Variants in TFB2M observed in about 807,000 individuals in gnomAD.
The protein encoded by TFB2M is transcription factor B2, mitochondrial.
A neutral mutation model predicts 41.3 loss-of-function variants in TFB2M; 44 were observed. The observed-to-expected ratio is 1.07, with a 90% CI of 0.84 to 1.37. The LOEUF (loss-of-function observed/expected upper bound fraction) is 1.37, where lower values mean the gene tolerates loss of function less well. TFB2M is among the 40% of genes most tolerant of loss of function. The pLI, the probability that TFB2M is intolerant of heterozygous loss-of-function variation, is 0.00. For missense variants in TFB2M, 496 were observed against 490.2 expected, an observed-to-expected ratio of 1.01 and a Z score of -0.11; for synonymous variants, 188 against 176.8, an observed-to-expected ratio of 1.06 and a Z score of -0.50.
intron 6 of TFB2M, among the ~76,000 whole-genome samples, chr1:246,546,012 T>C (rs925048921): frequency 7.3e-5 from 11 of 151,500 alleles, no homozygotes; most frequent in African/African-American, 2.7e-4. Flanking sequence ...AACATGTAAG[T>C]AGGGTAAAAT....
chr1:246,549,503 G>A (rs1280078685), intron 5 of TFB2M, among the ~76,000 whole-genome samples: 3 of 152,246 alleles, frequency 2.0e-5, no homozygotes, highest in African/African-American at 7.2e-5. Context: ...GATTGCTTAA[G>A]CCTGGGAGGC....
intron 4 of TFB2M, 38 bp downstream of exon 4, chr1:246,556,535 G>C (rs571677424): frequency 1.4e-6 from 2 of 1,397,750 alleles, no homozygotes; most frequent in East Asian, 5.0e-5. Flanking sequence ...AAAAATTACA[G>C]ACTCAGAACA....
chr1:246,551,315 A>C lies in TFB2M; in HGVS notation c.706-13T>G. 6.3e-7 allele frequency: 1 copy of C among 1,580,098 alleles called. No individual in the cohort carries two copies. Among genetic ancestry groups the C allele is most frequent in the Non-Finnish European group, 8.7e-7 (1 of 1,149,162 alleles). On this transcript the variant is annotated splice_polypyrimidine_tract_variant and intron_variant, in intron 4 of 7. Transcript: ENST00000366514. ...CTGCCATTAGTTTCTAGTAAAAGGA[A>C]AATAAAAATTACATGTTATACACAT...
rs1262644105 is a variant in TFB2M, at chr1:246,540,978, T to C, written c.*53A>G. 2.6e-6 allele frequency: 4 copies of C among 1,552,976 alleles called. No homozygotes were observed. The highest frequency in any genetic ancestry group is 2.8e-5 in the African/African-American group (2 of 72,548). Reference sequence around the variant, plus strand: ...TGTGAGTTTTCAAATTTGGTTTTCATGTCATAGTTTCCAAATAAATGAACC... The same window carrying C: ...TGTGAGTTTTCAAATTTGGTTTTCACGTCATAGTTTCCAAATAAATGAACC... On this transcript the variant is annotated 3_prime_UTR_variant, in exon 8 of 8. Transcript: ENST00000366514.
At chr1:246,554,262 G>C (rs1029018428) in intron 4 of TFB2M, among the ~76,000 whole-genome samples, 1 of 152,162 alleles carries the variant, frequency 6.6e-6, no homozygotes, top group Non-Finnish European at 1.5e-5. Flanking sequence ...ACTGGATTTG[G>C]CAATGATCTA....
At chr1:246,549,662 A>C (rs2102985856) in intron 5 of TFB2M, among the ~76,000 whole-genome samples, 1 of 152,294 alleles carries the variant, frequency 6.6e-6, no homozygotes, top group South Asian at 2.1e-4. Context: ...TAAATTCCAA[A>C]ATAAGAGTGG....
In TFB2M at chr1:246,566,204, G is replaced by T; in HGVS notation, c.-66C>A. On this transcript the variant is annotated 5_prime_UTR_variant, in exon 1 of 8. Transcript: ENST00000366514. ...AGCTACTACAGTGAACCCCACGCAG[G>T]GTATCCCACGTGGAACATTTTCTGG... 1 of 1,504,906 alleles carries T rather than the reference G, an allele frequency of 6.6e-7. No individual in the cohort carries two copies. Among genetic ancestry groups the T allele is most frequent in the Non-Finnish European group, 9.0e-7 (1 of 1,112,470 alleles). The allele number at this position is 1,504,906 out of a possible 1,614,324, so 93.2% of individuals were successfully genotyped here.
rs1436876583 is a variant in TFB2M at position 246,566,230 on chromosome 1, C to G, written c.-92G>C. The G allele has an allele frequency of 3.3e-5, 45 of 1,350,362 alleles. No homozygotes were observed. Among genetic ancestry groups the G allele is most frequent in the South Asian group, 1.7e-4 (12 of 71,152 alleles). The allele number at this position is 1,350,362 out of a possible 1,614,324, so 83.6% of individuals were successfully genotyped here. On this transcript the variant is annotated 5_prime_UTR_variant, in exon 1 of 8. Transcript: ENST00000366514. ...GTATCCCACGTGGAACATTTTCTGG[C>G]GTCCGGGCCAGGTCAAGCGGAAGTA... is the stretch of plus-strand genomic sequence containing the variant.
intron 1 of TFB2M, among the ~76,000 whole-genome samples, chr1:246,565,339 A>G (rs1159251036): frequency 2.0e-5 from 3 of 152,218 alleles, no homozygotes; most frequent in African/African-American, 7.2e-5. Context: ...GCTGCTACAG[A>G]AATACTTTGT....
At chr1:246,554,785 G>C (rs1292441670) in intron 4 of TFB2M, among the ~76,000 whole-genome samples, 5 of 152,180 alleles carry the variant, frequency 3.3e-5, no homozygotes, top group Middle Eastern at 3.2e-3. Context: ...TGGTGCCAAA[G>C]ATGTTGGGGA....
At position 246,540,649 on chromosome 1, in the gene TFB2M, CAACA is replaced by C. The variant is rs1173328530; in HGVS notation, c.*378_*381del. 6.0e-6 allele frequency: 1 copy of C among 165,650 alleles called. No individual in the cohort carries two copies. The highest frequency in any genetic ancestry group is 1.3e-5 in the Non-Finnish European group (1 of 76,782). The allele number at this position is 165,650 out of a possible 1,614,324, so 10.3% of individuals were successfully genotyped here. ...TTGTACAGTACTTGACAATACATTT[CAACA>C]AACTGAAAGGCAAACCAGTAAATCA... On this transcript the variant is annotated 3_prime_UTR_variant, in exon 8 of 8. Coordinates refer to ENST00000366514, the MANE Select transcript of TFB2M (RefSeq NM_022366.3).
At chr1:246,546,291 G>A (rs1659016806) in intron 6 of TFB2M, among the ~76,000 whole-genome samples, 1 of 118,778 alleles carries the variant, frequency 8.4e-6, no homozygotes, top group African/African-American at 2.8e-5. Context: ...CAGCCTGGGA[G>A]AAGAGTGAGA....
chr1:246,551,895 G>A (rs560121704), intron 4 of TFB2M, among the ~76,000 whole-genome samples: 2 of 152,148 alleles, frequency 1.3e-5, no homozygotes, highest in African/African-American at 2.4e-5. Flanking sequence ...GTTGAATAGC[G>A]TATGCACAGC....
At position 246,566,156 on chromosome 1, in the gene TFB2M, C is replaced by G; in HGVS notation, c.-18G>C. On this transcript the variant is annotated 5_prime_UTR_variant, in exon 1 of 8. Transcript: ENST00000366514. ...ATCCACATGTCCTTGTCTCTCAGGC[C>G]CGCTCCAAGAATCACCTAGTGCAGC... 6.3e-7 allele frequency: 1 copy of G among 1,595,384 alleles called. No individual in the cohort carries two copies. Among genetic ancestry groups the G allele is most frequent in the Non-Finnish European group, 8.6e-7 (1 of 1,167,066 alleles).
rs187809808 is a variant in TFB2M at position 246,559,838 on chromosome 1, G to T, written c.403-2304C>A. ...TACACTAGGGAGAAACAGAGGACTA[G>T]CCCTGAAGGTAGAGTATGTCCAAAG... On this transcript the variant is annotated intron_variant, in intron 2 of 7. Transcript: ENST00000366514. 1.3e-3 allele frequency among the ~76,000 whole-genome samples: 199 copies of T among 152,292 alleles called. 1 individual carries two copies. The highest frequency in any genetic ancestry group is 4.6e-3 in the African/African-American group (190 of 41,576).
At chr1:246,556,318 G>C (rs1572089980) in intron 4 of TFB2M, among the ~76,000 whole-genome samples, 1 of 152,186 alleles carries the variant, frequency 6.6e-6, no homozygotes, top group African/African-American at 2.4e-5. Flanking sequence ...TGTTTAATGA[G>C]TACAGAGTTT....
intron 7 of TFB2M, 126 bp from the exon 8 acceptor site, chr1:246,541,328 G>T (rs1424944262): frequency 3.1e-5 from 26 of 839,926 alleles, no homozygotes; most frequent in Admixed American, 5.6e-5. Context: ...TGCTATAATG[G>T]ACACGGGAGA....
rs1184130012 is a variant in TFB2M, at chr1:246,564,395, G to A, written c.353C>T (p.Ala118Val). ...GTCACTTTCGAGCGCAACCACTTTG[G>A]CACCAGCTTCAAGTAATGCCTGAGT... ...ILTQALLEAG[A>V]KVVALESDKT... Residue 118 changes from alanine (A) to valine (V), a missense_variant, in exon 2 of 8, where the codon GCC (alanine) becomes GTC (valine). Coordinates refer to ENST00000366514, the MANE Select transcript of TFB2M (RefSeq NM_022366.3). 1 of 1,614,034 alleles carries A rather than the reference G, an allele frequency of 6.2e-7. No homozygotes were observed. The highest frequency in any genetic ancestry group is 1.3e-5 in the African/African-American group (1 of 74,926).
At chr1:246,561,339 G>A (rs911260608) in intron 2 of TFB2M, among the ~76,000 whole-genome samples, 1 of 152,186 alleles carries the variant, frequency 6.6e-6, no homozygotes, top group African/African-American at 2.4e-5. Flanking sequence ...ATTTTTAGCT[G>A]ACATTTATAG....
Sources: allele counts gnomAD v4.1 joint callset (sites outside exome capture counted in the v4.1 genomes callset), GRCh38; gene constraint gnomAD v4.1.1; transcripts MANE v1.5; gene names NCBI Gene and HGNC (gene_info 2026-07-23, HGNC 2026-07-21).